Variants in HERC3 observed in about 807,000 individuals in gnomAD.
The protein encoded by HERC3 is HECT and RLD domain containing E3 ubiquitin protein ligase 3, also known as probable E3 ubiquitin-protein ligase HERC3.
HERC3 carries 58 observed loss-of-function variants against 129.9 expected under a neutral mutation model. The observed-to-expected ratio is 0.45, with a 90% CI of 0.36 to 0.56. The LOEUF is 0.56. Among genes scored for constraint, HERC3 ranks in the 20% least tolerant of loss-of-function variants. HERC3 has a pLI of 0.00. For missense variants in HERC3, 835 were observed against 1,244.2 expected (o/e 0.67, Z 4.95); for synonymous variants, 430 against 451.0 (o/e 0.95, Z 0.59).
At chr4:88,604,886 A>C (rs759130755) in intron 2 of HERC3, among the ~76,000 whole-genome samples, 1 of 152,192 alleles carries the variant, frequency 6.6e-6, no homozygotes, top group Non-Finnish European at 1.5e-5. Context: ...CCACATTATC[A>C]CCAACACTTG....
chr4:88,630,019 A>G (rs1726561222), intron 3 of HERC3, among the ~76,000 whole-genome samples: 3 of 152,192 alleles, frequency 2.0e-5, no homozygotes, highest in South Asian at 4.1e-4. Context: ...TTTGAGCTCT[A>G]AGTAGGCAGA....
At chr4:88,651,803 G>A (rs563523337) in intron 4 of HERC3, among the ~76,000 whole-genome samples, 4 of 152,228 alleles carry the variant, frequency 2.6e-5, no homozygotes, top group African/African-American at 9.6e-5. Context: ...GGCCAGGCTG[G>A]TCTCGAACTC....
chr4:88,538,411 A>G, the HERC3 span, among the ~76,000 whole-genome samples: 2 of 152,126 alleles, frequency 1.3e-5, no homozygotes, highest in Non-Finnish European at 2.9e-5. Context: ...GTTTTCTGAC[A>G]ATTCTTGAGG....
intron 21 of HERC3, 127 bp from the exon 22 acceptor site, chr4:88,686,609 A>T (rs938832364): frequency 1.6e-6 from 1 of 620,360 alleles, no homozygotes; most frequent in Non-Finnish European, 2.9e-6. Flanking sequence ...GTCCGGATTT[A>T]TGTTTATTCC....
At chr4:88,644,965 ATGT>A (rs1263874687) in intron 3 of HERC3, among the ~76,000 whole-genome samples, 1 of 152,102 alleles carries the variant, frequency 6.6e-6, no homozygotes, top group African/African-American at 2.4e-5. Flanking sequence ...AGACTTAGTC[ATGT>A]TGTGGGAGGC....
rs537188871 is a variant in HERC3 at position 88,632,278 on chromosome 4, G to T, written c.227-17562G>T. 1.2e-3 allele frequency among the ~76,000 whole-genome samples: 177 copies of T among 152,186 alleles called. 1 individual carries two copies. Among genetic ancestry groups the T allele is most frequent in the African/African-American group, 4.1e-3 (172 of 41,496 alleles). On this transcript the variant is annotated intron_variant, in intron 3 of 25. Transcript: ENST00000402738. ...ACTGGCCACTCTGTGGTGTACGCAG[G>T]GCACACATCTGAAAAGCAGTGCAAA...
Position 88,668,052 on chromosome 4 carries a change from G to C in HERC3, c.1604G>C (p.Arg535Pro). 1 of 1,613,432 alleles carries C rather than the reference G, an allele frequency of 6.2e-7. No individual in the cohort carries two copies. The highest frequency in any genetic ancestry group is 8.5e-7 in the Non-Finnish European group (1 of 1,179,598). ...ATTCCCTTGGCTATGGCCATTCTTC[G>C]GCTGGATACAAACCCCAGCAAAGTA... ...LTIPLAMAILRLDTNPSKVLD... is the reference protein window; with the variant it reads ...LTIPLAMAILPLDTNPSKVLD... Residue 535 changes from arginine (R) to proline (P), a missense_variant, in exon 14 of 26, where the codon CGG (arginine) becomes CCG (proline). By Grantham distance (103) the Arg-to-Pro change is moderately radical (BLOSUM62 -2). Transcript: ENST00000402738.
chr4:88,529,933 T>C, the HERC3 span, among the ~76,000 whole-genome samples: 3 of 152,242 alleles, frequency 2.0e-5, no homozygotes, highest in Non-Finnish European at 4.4e-5. Context: ...TCAGTAAATA[T>C]TGATCACTTC....
chr4:88,627,247 C>T (rs1412502691), intron 3 of HERC3, among the ~76,000 whole-genome samples: 1 of 151,856 alleles, frequency 6.6e-6, no homozygotes, highest in African/African-American at 2.4e-5. Context: ...TTTCTTTCAT[C>T]AGAGTACAGT....
At chr4:88,646,746 G>A (rs1362658109) in intron 3 of HERC3, among the ~76,000 whole-genome samples, 1 of 152,170 alleles carries the variant, frequency 6.6e-6, no homozygotes, top group Non-Finnish European at 1.5e-5. Flanking sequence ...GACCTAGGGG[G>A]TAGATTCTAG....
chr4:88,671,618 G>A (rs1731622963), intron 16 of HERC3, among the ~76,000 whole-genome samples: 1 of 152,126 alleles, frequency 6.6e-6, no homozygotes, highest in African/African-American at 2.4e-5. Context: ...CTGCTTCCCA[G>A]GCTCAAGCCA....
the HERC3 span, among the ~76,000 whole-genome samples, chr4:88,581,521 GTC>G: frequency 6.6e-6 from 1 of 151,830 alleles, no homozygotes. Context: ...TGCCAGGCTG[GTC>G]TCGAACTCCT....
chr4:88,562,936 A>T, the HERC3 span, among the ~76,000 whole-genome samples: 22 of 152,180 alleles, frequency 1.4e-4, no homozygotes, highest in African/African-American at 5.3e-4. Flanking sequence ...AGGTAATATG[A>T]TTTCTCCAGT....
chr4:88,554,082 T>G, the HERC3 span, among the ~76,000 whole-genome samples: 5 of 152,150 alleles, frequency 3.3e-5, no homozygotes. Context: ...GCGTGGTGGC[T>G]CACACCTGTA....
chr4:88,531,013 G>A, the HERC3 span, among the ~76,000 whole-genome samples: 3 of 151,736 alleles, frequency 2.0e-5, no homozygotes, highest in Non-Finnish European at 2.9e-5. Context: ...ACCACATCAC[G>A]CCTGGCTAAT....
At chr4:88,530,253 G>GT in the HERC3 span, among the ~76,000 whole-genome samples, 1 of 151,702 alleles carries the variant, frequency 6.6e-6, no homozygotes, top group African/African-American at 2.4e-5. Flanking sequence ...TCGTGCCACT[G>GT]CACTCCAGCC....
At chr4:88,670,842 G>A (rs1045317767) in intron 16 of HERC3, among the ~76,000 whole-genome samples, 5 of 152,082 alleles carry the variant, frequency 3.3e-5, no homozygotes, top group Non-Finnish European at 5.9e-5. Flanking sequence ...GTTCAAGAGT[G>A]ACTCTTTAGA....
At chr4:88,703,595 A>G (rs781353833) in intron 23 of HERC3, among the ~76,000 whole-genome samples, 23 of 152,266 alleles carry the variant, frequency 1.5e-4, no homozygotes, top group Admixed American at 2.6e-4. Flanking sequence ...TTTATTTGAG[A>G]TGGTTCTTCC....
At chr4:88,621,854 G>C (rs1395492690) in intron 3 of HERC3, among the ~76,000 whole-genome samples, 1 of 152,152 alleles carries the variant, frequency 6.6e-6, no homozygotes, top group African/African-American at 2.4e-5. Context: ...AAAACTGTAA[G>C]TATTCTGAAA....
Sources: gnomAD v4.1 joint callset for allele counts (sites outside exome capture counted in the v4.1 genomes callset) on GRCh38, gnomAD v4.1.1 for gene constraint, MANE v1.5 for transcripts, NCBI Gene and HGNC (gene_info 2026-07-23, HGNC 2026-07-21) for gene names.